The following DYSF variants were observed in gnomAD, a reference collection of about 807,000 sequenced individuals.
DYSF encodes dysferlin, also known as dystrophy-associated fer-1-like 1.
A neutral mutation model predicts 274.9 loss-of-function variants in DYSF; 212 were observed. That is an observed-to-expected ratio of 0.77 (90% CI 0.69 to 0.86). The LOEUF (loss-of-function observed/expected upper bound fraction) is 0.86. Ranked by LOEUF, DYSF falls within the 40% of genes least tolerant of loss-of-function variation. The probability of loss-of-function intolerance (pLI) is 0.00; values close to 1 mark genes in which losing one functional copy is unlikely to be tolerated. For synonymous variants in DYSF, 1,091 were observed against 1,078.7 expected (o/e 1.01, Z -0.22); for missense variants, 2,666 against 2,783.2 (o/e 0.96, Z 0.95).
intron 3 of DYSF, among the ~76,000 whole-genome samples, chr2:71,487,363 A>G (rs1228023027): frequency 2.6e-5 from 4 of 152,082 alleles, no homozygotes; most frequent in Admixed American, 2.6e-4. Context: ...AAAAAAAATA[A>G]GTGTCTGAGC....
intron 8 of DYSF, 60 bp from the exon 9 acceptor site, chr2:71,516,120 T>G: frequency 6.4e-7 from 1 of 1,551,956 alleles, no homozygotes; most frequent in East Asian, 2.2e-5. Context: ...TGGTCCTCCC[T>G]CTCCCTGGCC....
upstream of DYSF, among the ~76,000 whole-genome samples, chr2:71,464,593 TG>T (rs1276823803): frequency 6.6e-6 from 1 of 152,102 alleles, no homozygotes; most frequent in East Asian, 1.9e-4. Flanking sequence ...GCATGGGTCC[TG>T]GGGAGGTCAG....
intron 3 of DYSF, among the ~76,000 whole-genome samples, chr2:71,500,384 G>C (rs1268488550): frequency 1.3e-5 from 2 of 152,138 alleles, no homozygotes; most frequent in Non-Finnish European, 2.9e-5. Flanking sequence ...TTCTACAGGA[G>C]TGGGGGCTGG....
At position 71,664,301 on chromosome 2, in the gene DYSF, G is replaced by A. The variant is rs1383288665; in HGVS notation, c.5037G>A (p.Glu1679=). The change falls in exon 46 of 56, where the codon GAG becomes GAA. Residue 1679 remains glutamate (E), a synonymous_variant. Coordinates refer to ENST00000410020, the MANE Select transcript of DYSF (RefSeq NM_001130987.2). ...AGCTGACCTGCACTCTGCCTCTGGA[G>A]AAGGACCTAAAGATCACTCTCTATG... ...MFELTCTLPL[E]KDLKITLYDY... is the part of the protein sequence containing the mutation. The A allele has an allele frequency of 1.9e-6, 3 of 1,614,176 alleles. No homozygotes were observed. The highest frequency in any genetic ancestry group is 2.5e-6 in the Non-Finnish European group (3 of 1,180,030).
In DYSF at chr2:71,481,071, T is replaced by C. The variant is rs75490646; in HGVS notation, c.147+133T>C. 0.033 allele frequency: 29,548 copies of C among 896,538 alleles called. 642 individuals carry two copies. Among genetic ancestry groups the C allele is most frequent in the East Asian group, 0.054 (2,065 of 38,442 alleles). The allele number at this position is 896,538 out of a possible 1,614,324, so 55.5% of individuals were successfully genotyped here. A position where few individuals can be genotyped will look rare whatever the true frequency, so the allele number is the denominator to read the frequency against. ...GTGGGGAGGGGCTGGTGGTCCAGCC[T>C]GCCAACGAAATCCTTCTTGCTCTAG... On this transcript the variant is annotated intron_variant, in intron 2 of 55. Coordinates refer to ENST00000410020, the MANE Select transcript of DYSF (RefSeq NM_001130987.2).
At chr2:71,616,770 T>A (rs193184334) in intron 40 of DYSF, among the ~76,000 whole-genome samples, 564 of 152,304 alleles carry the variant, frequency 3.7e-3, no homozygotes, top group African/African-American at 0.013. Context: ...CTTACCTCCA[T>A]CCAAACACAC....
intron 24 of DYSF, among the ~76,000 whole-genome samples, chr2:71,564,964 C>T (rs988906238): frequency 3.3e-5 from 5 of 152,166 alleles, no homozygotes; most frequent in East Asian, 1.9e-4. Flanking sequence ...GGACACAATG[C>T]GGGAGATCCC....
rs1559187116 is a variant in DYSF at position 71,570,905 on chromosome 2, AAGATCACACCCAGCATACACAC to A, written c.3228+183_3228+204del. 3.3e-5 allele frequency: 32 copies of A among 978,280 alleles called. No homozygotes were observed. In the African/African-American group the frequency reaches 4.6e-4, roughly 14 times the overall value. 60.6% of individuals were successfully genotyped at this position (978,280 alleles called of 1,614,324 possible). A position where few individuals can be genotyped will look rare whatever the true frequency, so the allele number is the denominator to read the frequency against. On this transcript the variant is annotated intron_variant, in intron 29 of 55. Coordinates refer to ENST00000410020, the MANE Select transcript of DYSF (RefSeq NM_001130987.2). ...TCACAGATCACACCCAGCATACCCA[AAGATCACACCCAGCATACACAC>A]AGATCACACCCAGCATACCCAAAGA...
chr2:71,680,097 C>T (rs1047205482), intron 53 of DYSF, among the ~76,000 whole-genome samples: 2 of 152,012 alleles, frequency 1.3e-5, no homozygotes, highest in Non-Finnish European at 2.9e-5. Context: ...AGATTAACAA[C>T]AATAACTAAT....
At chr2:71,676,683 A>C (rs929486809) in intron 52 of DYSF, among the ~76,000 whole-genome samples, 1 of 152,182 alleles carries the variant, frequency 6.6e-6, no homozygotes, top group East Asian at 1.9e-4. Flanking sequence ...TGTTCAAAGT[A>C]AAGTTAAACA....
chr2:71,509,853 G>T (rs11678583), intron 4 of DYSF, among the ~76,000 whole-genome samples: 6,485 of 152,082 alleles, frequency 0.043, 177 homozygotes, highest in Middle Eastern at 0.082. Flanking sequence ...TCGACTCATT[G>T]CGACCTCTGC....
At position 71,515,634 on chromosome 2, in the gene DYSF, G is replaced by T. The variant is rs1573657249; in HGVS notation, c.771G>T (p.Gln257His). ...DKPQDFQIRV[Q>H]VIEGRQLPGV... ...CTTCTGGCTTTCAGATCAGGGTCCA[G>T]GTGATCGAGGGGCGCCAGCTGCCGG... The change falls in exon 8 of 56, where the codon CAG becomes CAT. Residue 257 changes from glutamine to histidine, a missense_variant. Gln to His is a conservative substitution (Grantham distance 24, BLOSUM62 0). This residue lies in a region of DYSF where 794 missense variants were observed against 777.1 expected (regional missense o/e 1.02). Coordinates refer to ENST00000410020, the MANE Select transcript of DYSF (RefSeq NM_001130987.2). 1 of 1,613,946 alleles carries T rather than the reference G, an allele frequency of 6.2e-7. No individual in the cohort carries two copies. Among genetic ancestry groups the T allele is most frequent in the East Asian group, 2.2e-5 (1 of 44,866 alleles).
At chr2:71,542,841 C>T (rs193220312) in intron 17 of DYSF, among the ~76,000 whole-genome samples, 2,090 of 152,378 alleles carry the variant, frequency 0.014, 52 homozygotes, top group African/African-American at 0.048. Context: ...TTCTACTCGA[C>T]AAAACCGCCA....
intron 14 of DYSF, among the ~76,000 whole-genome samples, 183 bp from the exon 15 acceptor site, chr2:71,534,831 ATTGAGCT>A (rs532078874): frequency 1.3e-5 from 2 of 152,162 alleles, no homozygotes; most frequent in African/African-American, 4.8e-5. Flanking sequence ...CTGACCTTCC[ATTGAGCT>A]TTGTCTCTGC....
At chr2:71,543,342 TGGC>T (rs973245999) in intron 17 of DYSF, among the ~76,000 whole-genome samples, 2 of 146,920 alleles carry the variant, frequency 1.4e-5, no homozygotes, top group Non-Finnish European at 3.0e-5. Context: ...CTAGAGGGGA[TGGC>T]GGCCGGGAAG....
chr2:71,455,476 C>T (rs181560906), intron 1 of DYSF, among the ~76,000 whole-genome samples: 174 of 152,308 alleles, frequency 1.1e-3, no homozygotes, highest in African/African-American at 3.9e-3. Flanking sequence ...ACGTGGCCTC[C>T]GGAAATGAGC....
At chr2:71,602,855 T>C in intron 36 of DYSF, 50 bp downstream of exon 36, 2 of 1,603,274 alleles carry the variant, frequency 1.2e-6, no homozygotes, top group Non-Finnish European at 1.7e-6. Context: ...AGAGGGAAGG[T>C]GAAGCCAGCC....
At chr2:71,494,534 T>C (rs527473421) in intron 3 of DYSF, among the ~76,000 whole-genome samples, 3 of 152,300 alleles carry the variant, frequency 2.0e-5, no homozygotes, top group East Asian at 1.9e-4. Flanking sequence ...CTTACCATGA[T>C]GGGTATGAGC....
chr2:71,544,147 G>A (rs995743543), intron 17 of DYSF, among the ~76,000 whole-genome samples: 3 of 152,204 alleles, frequency 2.0e-5, no homozygotes, highest in Non-Finnish European at 4.4e-5. Flanking sequence ...GCAGGTGAAT[G>A]CTTTCCTGAA....
Sources: allele counts gnomAD v4.1 joint callset (sites outside exome capture counted in the v4.1 genomes callset), GRCh38; gene constraint gnomAD v4.1.1; regional missense constraint gnomAD v4.1.1; transcripts MANE v1.5; gene names NCBI Gene and HGNC (gene_info 2026-07-23, HGNC 2026-07-21).